The following ENOX2 variants were observed in gnomAD, a reference collection of about 807,000 sequenced individuals.
ENOX2 encodes ecto-NOX disulfide-thiol exchanger 2.
ENOX2 carries 36 observed loss-of-function variants against 45.0 expected under a neutral mutation model. The observed-to-expected ratio is 0.80, with a 90% CI of 0.61 to 1.06. ENOX2 has a LOEUF of 1.06. Ranked by LOEUF, ENOX2 falls within the 50% of genes least tolerant of loss-of-function variation. ENOX2 has a pLI of 0.00. For synonymous variants in ENOX2, 174 were observed against 152.3 expected (o/e 1.14, Z -1.05); for missense variants, 423 against 462.5 (o/e 0.91, Z 0.78).
At chrX:130,786,611 A>T (rs1274566302) in intron 2 of ENOX2, among the ~76,000 whole-genome samples, 4 of 91,190 alleles carry the variant, frequency 4.4e-5, no homozygotes, top group African/African-American at 1.6e-4. Context: ...TGTTCATGTG[A>T]TCTCATTGTT....
In ENOX2 at chrX:130,819,123, A is replaced by G. The variant is rs150232229; in HGVS notation, c.-182-35433T>C. 6.5e-3 allele frequency among the ~76,000 whole-genome samples: 731 copies of G among 112,605 alleles called. 8 individuals are homozygous for G. The highest frequency in any genetic ancestry group is 0.022 in the African/African-American group (689 of 30,990). ...TATGTGGCCAACAAACATATGAAAA[A>G]AAGCTCATCATCACCAGTCATTAGA... is the stretch of plus-strand genomic sequence containing the variant. On this transcript the variant is annotated intron_variant, in intron 2 of 14. Coordinates refer to ENST00000394363, the MANE Select transcript of ENOX2 (RefSeq NM_006375.4).
At chrX:130,884,959 T>C (rs1318679882) in intron 2 of ENOX2, among the ~76,000 whole-genome samples, 2 of 112,045 alleles carry the variant, frequency 1.8e-5, no homozygotes, top group Non-Finnish European at 3.8e-5. Context: ...ACTAGCTTTT[T>C]AGAAGAGAAA....
At chrX:130,893,217 TTAAAAGA>T (rs2079009937) in intron 2 of ENOX2, among the ~76,000 whole-genome samples, 1 of 112,507 alleles carries the variant, frequency 8.9e-6, no homozygotes, top group Non-Finnish European at 1.9e-5. Flanking sequence ...AACTAGAAAG[TTAAAAGA>T]TAATTTGTTG....
chrX:130,831,202 C>A (rs138397629), intron 2 of ENOX2, among the ~76,000 whole-genome samples: 11 of 111,134 alleles, frequency 9.9e-5, no homozygotes, highest in Non-Finnish European at 1.9e-4. Context: ...GTACCATTTC[C>A]CAATACTGTT....
chrX:130,796,386 C>T (rs192689919), intron 2 of ENOX2, among the ~76,000 whole-genome samples: 1 of 111,414 alleles, frequency 9.0e-6, no homozygotes, highest in Admixed American at 9.6e-5. Context: ...TCCATAAATC[C>T]ATGCTCAAAA....
intron 3 of ENOX2, among the ~76,000 whole-genome samples, chrX:130,777,294 T>C (rs1482078469): frequency 9.2e-6 from 1 of 109,231 alleles, no homozygotes; most frequent in African/African-American, 3.3e-5. Context: ...AGCCCAGGAG[T>C]TCGAGACCAG....
intron 4 of ENOX2, among the ~76,000 whole-genome samples, chrX:130,699,669 A>C (rs1021951761): frequency 1.8e-5 from 2 of 111,455 alleles, no homozygotes; most frequent in African/African-American, 6.5e-5. Context: ...TGTTCTCCAG[A>C]CCTTGGCAAG....
At chrX:130,900,722 G>A (rs1007941040) in intron 2 of ENOX2, among the ~76,000 whole-genome samples, 1 of 111,837 alleles carries the variant, frequency 8.9e-6, no homozygotes, top group Non-Finnish European at 1.9e-5. Context: ...CCTCCTCATG[G>A]AAGCCTTCTC....
intron 3 of ENOX2, among the ~76,000 whole-genome samples, chrX:130,716,361 T>C (rs2038329132): frequency 8.9e-6 from 1 of 112,087 alleles, no homozygotes; most frequent in Non-Finnish European, 1.9e-5. Flanking sequence ...TCCACCACTG[T>C]ACATACCCCC....
intron 5 of ENOX2, 54 bp from the exon 6 acceptor site, chrX:130,679,802 C>A: frequency 2.1e-6 from 2 of 967,114 alleles, no homozygotes; most frequent in African/African-American, 1.9e-5. Flanking sequence ...TGGGACAGAC[C>A]TCTTCGAAAT....
intron 3 of ENOX2, among the ~76,000 whole-genome samples, chrX:130,732,698 TCACACA>T (rs201498808): frequency 9.0e-5 from 9 of 99,939 alleles, no homozygotes; most frequent in African/African-American, 1.5e-4. Flanking sequence ...ATAAATCCAT[TCACACA>T]CACACACACA....
chrX:130,784,492 C>T (rs1315541523), intron 2 of ENOX2, among the ~76,000 whole-genome samples: 1 of 111,003 alleles, frequency 9.0e-6, no homozygotes, highest in South Asian at 3.8e-4. Context: ...TTTTTTAAAG[C>T]CCAAAGTTAA....
chrX:130,712,621 C>A (rs1603316650), intron 3 of ENOX2, among the ~76,000 whole-genome samples: 2 of 111,257 alleles, frequency 1.8e-5, no homozygotes, highest in African/African-American at 6.5e-5. Flanking sequence ...CAGGCCCCCA[C>A]ACATGCAGGC....
chrX:130,863,155 G>T (rs950412099), intron 2 of ENOX2, among the ~76,000 whole-genome samples: 1 of 112,118 alleles, frequency 8.9e-6, no homozygotes, highest in Non-Finnish European at 1.9e-5. Context: ...TTTTAATTAT[G>T]CATGTTTTCT....
chrX:130,751,107 T>C (rs1323597432), intron 3 of ENOX2, among the ~76,000 whole-genome samples: 1 of 111,792 alleles, frequency 8.9e-6, no homozygotes, highest in African/African-American at 3.3e-5. Flanking sequence ...ACATTCACAC[T>C]GTGCATGCAA....
chrX:130,758,773 A>G (rs1318703406), intron 3 of ENOX2, among the ~76,000 whole-genome samples: 3 of 111,954 alleles, frequency 2.7e-5, no homozygotes, highest in African/African-American at 9.8e-5. Flanking sequence ...CTGAAAGGTG[A>G]TATCTCATTG....
chrX:130,725,877 A>G (rs1039873104), intron 3 of ENOX2, among the ~76,000 whole-genome samples: 5 of 111,698 alleles, frequency 4.5e-5, no homozygotes, highest in African/African-American at 1.3e-4. Context: ...AAAGGGGTGA[A>G]CTGGAATAAT....
chrX:130,703,070 C>A (rs756177693), intron 4 of ENOX2, 50 bp downstream of exon 4: 1 of 1,145,817 alleles, frequency 8.7e-7, no homozygotes, highest in South Asian at 2.0e-5. Flanking sequence ...TATTTATAAC[C>A]ACATGGTCAA....
chrX:130,684,705 A>T (rs1337513626), intron 5 of ENOX2, among the ~76,000 whole-genome samples: 3 of 111,977 alleles, frequency 2.7e-5, no homozygotes, highest in Non-Finnish European at 3.8e-5. Flanking sequence ...AAAAGACAAA[A>T]ATTCTGCCTT....
Sources: gnomAD v4.1 joint callset for allele counts (sites outside exome capture counted in the v4.1 genomes callset) on GRCh38, gnomAD v4.1.1 for gene constraint, MANE v1.5 for transcripts, NCBI Gene and HGNC (gene_info 2026-07-23, HGNC 2026-07-21) for gene names.